The following GPD1L variants were observed in gnomAD, a reference collection of about 807,000 sequenced individuals.
GPD1L encodes the protein glycerol-3-phosphate dehydrogenase 1 like.
A neutral mutation model predicts 32.9 loss-of-function variants in GPD1L; 17 were observed. That is an observed-to-expected ratio of 0.52 (90% CI 0.35 to 0.78). GPD1L has a LOEUF of 0.78. Ranked by LOEUF, GPD1L falls within the 30% of genes least tolerant of loss-of-function variation. The pLI is 0.01. For synonymous variants in GPD1L, 187 were observed against 165.9 expected, an observed-to-expected ratio of 1.13 and a Z score of -0.98; for missense variants, 361 against 447.8, an observed-to-expected ratio of 0.81 and a Z score of 1.75.
intron 3 of GPD1L, among the ~76,000 whole-genome samples, chr3:32,139,987 G>C (rs981561199): frequency 3.3e-5 from 5 of 152,214 alleles, no homozygotes; most frequent in Non-Finnish European, 5.9e-5. Context: ...GGATGAACTT[G>C]AGAGGAGACA....
intron 2 of GPD1L, among the ~76,000 whole-genome samples, chr3:32,133,561 G>T (rs540226903): frequency 6.6e-6 from 1 of 152,272 alleles, no homozygotes; most frequent in East Asian, 1.9e-4. Context: ...TTATTTCTGG[G>T]AACAGCAGGG....
At chr3:32,121,688 T>C (rs971704559) in intron 1 of GPD1L, among the ~76,000 whole-genome samples, 4 of 140,024 alleles carry the variant, frequency 2.9e-5, no homozygotes, top group Admixed American at 7.8e-5. Flanking sequence ...TATATTTCTA[T>C]ATATATATTT....
At chr3:32,108,566 A>G (rs781116821) in intron 1 of GPD1L, among the ~76,000 whole-genome samples, 5 of 152,156 alleles carry the variant, frequency 3.3e-5, no homozygotes, top group African/African-American at 7.2e-5. Flanking sequence ...AGTACCAAAA[A>G]CAGTGAAACA....
chr3:32,110,303 A>G lies in GPD1L; in HGVS notation c.47+3545A>G, dbSNP rs143772393. Among the ~76,000 whole-genome samples, 854 of 152,364 alleles carry G rather than the reference A, an allele frequency of 5.6e-3. 9 individuals carry two copies. The highest frequency in any genetic ancestry group is 0.02 in the African/African-American group (814 of 41,580). On this transcript the variant is annotated intron_variant, in intron 1 of 7. Coordinates refer to ENST00000282541, the MANE Select transcript of GPD1L (RefSeq NM_015141.4). ...TAGACTTGCTTAATCATATCCCCTG[A>G]GAATGAGATTTTTTTTTCTGAAGGA...
At chr3:32,121,505 C>A (rs9817180) in intron 1 of GPD1L, among the ~76,000 whole-genome samples, 13,691 of 63,310 alleles carry the variant, frequency 0.22, 2,861 homozygotes, top group African/African-American at 0.51. Context: ...ATATTTCTCT[C>A]TATATATATT....
chr3:32,156,952 G>A (rs372606613), intron 5 of GPD1L, among the ~76,000 whole-genome samples: 2 of 152,222 alleles, frequency 1.3e-5, no homozygotes, highest in African/African-American at 4.8e-5. Context: ...ACAGTCACAG[G>A]TATTACTGGA....
chr3:32,117,367 G>A (rs1029207292), intron 1 of GPD1L, among the ~76,000 whole-genome samples: 2 of 152,196 alleles, frequency 1.3e-5, no homozygotes, highest in African/African-American at 4.8e-5. Context: ...CAAGTATGAG[G>A]AAGGTGGACA....
At chr3:32,153,007 G>C (rs963836963) in intron 5 of GPD1L, among the ~76,000 whole-genome samples, 4 of 152,068 alleles carry the variant, frequency 2.6e-5, no homozygotes, top group African/African-American at 9.7e-5. Flanking sequence ...TCTTTTTTCT[G>C]GATAGCCATA....
At chr3:32,145,582 GGA>G (rs1700808184) in intron 4 of GPD1L, among the ~76,000 whole-genome samples, 1 of 152,078 alleles carries the variant, frequency 6.6e-6, no homozygotes, top group Admixed American at 6.6e-5. Context: ...GTGACTTGAG[GGA>G]GGGGCTGGTC....
intron 1 of GPD1L, among the ~76,000 whole-genome samples, chr3:32,115,806 T>TTTTTTTTTTTTTTTG: frequency 8.1e-6 from 1 of 123,900 alleles, no homozygotes; most frequent in Non-Finnish European, 1.6e-5. Context: ...TTTTTTTTTT[T>TTTTTTTTTTTTTTTG]GAGACGGAGT....
At chr3:32,111,284 A>C (rs946496242) in intron 1 of GPD1L, among the ~76,000 whole-genome samples, 1 of 152,232 alleles carries the variant, frequency 6.6e-6, no homozygotes, top group African/African-American at 2.4e-5. Flanking sequence ...GATAGGAAGC[A>C]TATGTCCAGA....
In GPD1L at chr3:32,106,937, C is replaced by T; in HGVS notation, c.47+179C>T. The T allele has an allele frequency of 2.1e-6, 1 of 474,100 alleles. No homozygotes were observed. The highest frequency in any genetic ancestry group is 8.7e-5 in the South Asian group (1 of 11,492). 29.4% of individuals were successfully genotyped at this position (474,100 alleles called of 1,614,324 possible). On this transcript the variant is annotated intron_variant, in intron 1 of 7. Coordinates refer to ENST00000282541, the MANE Select transcript of GPD1L (RefSeq NM_015141.4). The surrounding 1 kb of genome is among the most constrained non-coding windows in gnomAD (Gnocchi z 4.0). The stretch of plus-strand genomic sequence containing the variant: ...CGCCCGAGGAGGCCGCACCGGGGCA[C>T]TCGCTCGGGAGGCGCTGGGCTCGCG...
intron 2 of GPD1L, among the ~76,000 whole-genome samples, chr3:32,128,873 A>G (rs1397108876): frequency 6.6e-6 from 1 of 152,242 alleles, no homozygotes; most frequent in Non-Finnish European, 1.5e-5. Context: ...TAGGACAGCT[A>G]ATACAATGGT....
intron 2 of GPD1L, among the ~76,000 whole-genome samples, chr3:32,130,723 C>G (rs927444540): frequency 1.4e-5 from 2 of 145,260 alleles, no homozygotes; most frequent in African/African-American, 4.9e-5. Context: ...GTAATCCCAG[C>G]ACTTTGGGAC....
chr3:32,128,397 C>T (rs1700543410), intron 2 of GPD1L, 144 bp downstream of exon 2: 1 of 733,576 alleles, frequency 1.4e-6, no homozygotes, highest in Non-Finnish European at 2.5e-6. Flanking sequence ...TTTTGGTCTT[C>T]CTGACTCTGA....
chr3:32,119,646 C>T (rs1202340740), intron 1 of GPD1L, among the ~76,000 whole-genome samples: 1 of 152,162 alleles, frequency 6.6e-6, no homozygotes, highest in Non-Finnish European at 1.5e-5. Context: ...CTTTAAAAGC[C>T]CTTTGACTGC....
In GPD1L at chr3:32,106,768, G is replaced by A; in HGVS notation, c.47+10G>A. 2 of 1,558,626 alleles carry A rather than the reference G, an allele frequency of 1.3e-6. No individual in the cohort carries two copies. Among genetic ancestry groups the A allele is most frequent in the Non-Finnish European group, 1.7e-6 (2 of 1,152,974 alleles). The stretch of plus-strand genomic sequence containing the variant: ...TGGGCTCGGGGAACTGGTGAGCGGC[G>A]GCGGGCTGGAGGCCGGGGCTCCGCT... On this transcript the variant is annotated intron_variant, in intron 1 of 7. Coordinates refer to ENST00000282541, the MANE Select transcript of GPD1L (RefSeq NM_015141.4). This position sits in a 1 kb window ranked among gnomAD's most constrained non-coding sequence, Gnocchi z 4.0.
At chr3:32,160,145 CG>C (rs1329252998) in intron 7 of GPD1L, among the ~76,000 whole-genome samples, 2 of 136,280 alleles carry the variant, frequency 1.5e-5, no homozygotes, top group East Asian at 4.8e-4. Flanking sequence ...GTCTCTTCAT[CG>C]GGTGGGTAGA....
intron 3 of GPD1L, 63 bp downstream of exon 3, chr3:32,138,790 A>G (rs1700701458): frequency 6.6e-7 from 1 of 1,517,608 alleles, no homozygotes; most frequent in Non-Finnish European, 9.1e-7. Context: ...ATTTCCTCAC[A>G]CTTTCATCTG....
Sources: allele counts gnomAD v4.1 joint callset (sites outside exome capture counted in the v4.1 genomes callset), GRCh38; gene constraint gnomAD v4.1.1; non-coding constraint Gnocchi (gnomAD v3.1); transcripts MANE v1.5; gene names NCBI Gene and HGNC (gene_info 2026-07-23, HGNC 2026-07-21).